SLC16A3: variants seen among roughly 807,000 people sequenced by gnomAD.
SLC16A3 encodes the protein solute carrier family 16 member 3.
SLC16A3 carries 22 observed loss-of-function variants against 25.0 expected under a neutral mutation model. The observed-to-expected ratio is 0.88, with a 90% CI of 0.63 to 1.26. The LOEUF (loss-of-function observed/expected upper bound fraction) is 1.26, where lower values mean the gene tolerates loss of function less well. SLC16A3 is among the 50% of genes most tolerant of loss of function. The pLI, the probability that SLC16A3 is intolerant of heterozygous loss-of-function variation, is 0.00. For synonymous variants in SLC16A3, 390 were observed against 309.2 expected (o/e 1.26, Z -2.74); for missense variants, 731 against 666.6 (o/e 1.10, Z -1.06).
chr17:82,235,790 G>A (rs1317151716), intron 1 of SLC16A3, 193 bp from the exon 2 acceptor site: 2 of 596,156 alleles, frequency 3.4e-6, no homozygotes, highest in Non-Finnish European at 6.0e-6. Context: ...GAGGGAGTGG[G>A]ACCCACAGCT....
rs771718273 is a variant in SLC16A3 at position 82,237,661 on chromosome 17, C to T, written c.891C>T (p.Leu297=). 1.2e-5 allele frequency: 19 copies of T among 1,612,978 alleles called. No homozygotes were observed. The highest frequency in any genetic ancestry group is 1.2e-4 in the Admixed American group (7 of 60,008). ...AGGTGCGGCCCTACTCCGTCTACCT[C>T]TTCAGCTTCTCCATGTTCTTCAACG... ...LGKVRPYSVY[L]FSFSMFFNGL... The change falls in exon 4 of 5, where the codon CTC becomes CTT. Residue 297 remains leucine (L), a synonymous_variant. Transcript: ENST00000582743.
chr17:82,239,913 C>T lies in SLC16A3; in HGVS notation c.*937C>T, dbSNP rs1231582770. On this transcript the variant is annotated 3_prime_UTR_variant, in exon 5 of 5. Transcript: ENST00000582743. Reference sequence around the variant, plus strand: ...GCTTGTCCTGGACACCTAACACCCACCTGCCCTCGTGGCCAGCAGTGGCCT... The same window carrying T: ...GCTTGTCCTGGACACCTAACACCCATCTGCCCTCGTGGCCAGCAGTGGCCT... The T allele has an allele frequency of 9.8e-7, 1 of 1,022,234 alleles. No individual in the cohort carries two copies. Among genetic ancestry groups the T allele is most frequent in the Non-Finnish European group, 1.3e-6 (1 of 795,224 alleles). The allele number at this position is 1,022,234 out of a possible 1,614,324, so 63.3% of individuals were successfully genotyped here. A position where few individuals can be genotyped will look rare whatever the true frequency, so the allele number is the denominator to read the frequency against.
At chr17:82,227,604 T>G (rs142468143), upstream of SLC16A3, among the ~76,000 whole-genome samples, 148 of 76,568 alleles carry the variant, frequency 1.9e-3, no homozygotes, top group African/African-American at 6.0e-3. Context: ...GAGCACCACC[T>G]GCCCTGGGCG....
At chr17:82,224,196 A>T (rs35551671), upstream of SLC16A3, among the ~76,000 whole-genome samples, 2 of 89,144 alleles carry the variant, frequency 2.2e-5, no homozygotes, top group South Asian at 5.3e-4. Context: ...CCGTGCACAG[A>T]CACCTGTGCA....
intron 1 of SLC16A3, chr17:82,229,569 C>G (rs979031496): frequency 6.6e-6 from 1 of 152,418 alleles, no homozygotes; most frequent in Admixed American, 6.5e-5. Context: ...GCGCTTTCCC[C>G]TGTTCGCAAC....
Position 82,237,910 on chromosome 17 carries a change from C to CA in SLC16A3, c.1123+18dup. The CA allele has an allele frequency of 6.3e-7, 1 of 1,592,478 alleles. No homozygotes were observed. Among genetic ancestry groups the CA allele is most frequent in the Non-Finnish European group, 8.5e-7 (1 of 1,176,676 alleles). Reference sequence around the variant, plus strand: ...CTTCGGGAGGTGAGCGCTGCGCCCCCAGGCAGTTCCCCACACCTGCCCTTC... The same window carrying CA: ...CTTCGGGAGGTGAGCGCTGCGCCCCCAAGGCAGTTCCCCACACCTGCCCTTC... On this transcript the variant is annotated intron_variant, in intron 4 of 4. Coordinates refer to ENST00000582743, the MANE Select transcript of SLC16A3 (RefSeq NM_004207.4).
intron 1 of SLC16A3, among the ~76,000 whole-genome samples, chr17:82,232,806 G>A (rs865898295): frequency 1.1e-4 from 16 of 151,892 alleles, no homozygotes; most frequent in Middle Eastern, 6.8e-3. Context: ...GCCTGGGGTC[G>A]TAGAGCCTTT....
At chr17:82,236,680 G>A (rs760060985) in intron 2 of SLC16A3, 49 bp from the exon 3 acceptor site, 14 of 1,582,614 alleles carry the variant, frequency 8.8e-6, no homozygotes, top group South Asian at 7.8e-5. Flanking sequence ...GGCTGGCGGG[G>A]GTAGAGCTGG....
chr17:82,235,372 C>T (rs1201296142), intron 1 of SLC16A3: 1 of 157,264 alleles, frequency 6.4e-6, no homozygotes, highest in Non-Finnish European at 1.4e-5. Flanking sequence ...TTCCAACTGC[C>T]CCCTCCAGCC....
At chr17:82,226,398 C>A (rs1473500969), upstream of SLC16A3, among the ~76,000 whole-genome samples, 2 of 152,118 alleles carry the variant, frequency 1.3e-5, no homozygotes, top group Admixed American at 6.5e-5. Flanking sequence ...GGTGGGTGCT[C>A]CCAACACCAC....
Position 82,229,102 on chromosome 17 carries a change from G to C in SLC16A3, c.-31G>C, listed in dbSNP as rs956638022. 6.6e-6 allele frequency: 1 copy of C among 151,042 alleles called. No individual in the cohort carries two copies. The highest frequency in any genetic ancestry group is 2.0e-4 in the South Asian group (1 of 5,092). The allele number at this position is 151,042 out of a possible 1,614,324, so 9.4% of individuals were successfully genotyped here. A position where few individuals can be genotyped will look rare whatever the true frequency, so the allele number is the denominator to read the frequency against. On this transcript the variant is annotated 5_prime_UTR_variant, in exon 1 of 5. Coordinates refer to ENST00000582743, the MANE Select transcript of SLC16A3 (RefSeq NM_004207.4). ...AGGCGGGCTGAGGCGGCCCAGCGGC[G>C]GCAGGTAGGCGCGGCCGCGATGCTC...
At chr17:82,226,408 C>G (rs956503147), upstream of SLC16A3, among the ~76,000 whole-genome samples, 6 of 152,142 alleles carry the variant, frequency 3.9e-5, no homozygotes, top group African/African-American at 1.4e-4. Context: ...CCCAACACCA[C>G]CCAGAGTGGG....
chr17:82,219,118 A>T (rs2050373375), intron 1 of SLC16A3, among the ~76,000 whole-genome samples: 1 of 151,870 alleles, frequency 6.6e-6, no homozygotes, highest in African/African-American at 2.4e-5. Context: ...GGCAGGGAGG[A>T]GAGGAGCAGG....
At position 82,238,932 on chromosome 17, in the gene SLC16A3, G is replaced by GAAAAAAAAA; in HGVS notation, c.1355_1356insAAAAAAAAA (p.Lys453_Asn454insLysLysLys). On this transcript the variant is annotated inframe_insertion, in exon 5 of 5. Transcript: ENST00000582743. ...GGAGCATTTCCTGAAGGCTGAGCCT[G>GAAAAAAAAA]AGAAAAACGGGGAGGTGGTTCACAC... 2 of 1,568,540 alleles carry GAAAAAAAAA rather than the reference G, an allele frequency of 1.3e-6. No individual in the cohort carries two copies. Among genetic ancestry groups the GAAAAAAAAA allele is most frequent in the Admixed American group, 1.8e-5 (1 of 55,438 alleles).
chr17:82,224,819 C>A (rs2050412222), upstream of SLC16A3, among the ~76,000 whole-genome samples: 1 of 152,174 alleles, frequency 6.6e-6, no homozygotes, highest in Non-Finnish European at 1.5e-5. Context: ...CCCAACCCCA[C>A]ATAACCGGCC....
chr17:82,218,751 C>T (rs2050371438), intron 1 of SLC16A3, among the ~76,000 whole-genome samples: 1 of 152,178 alleles, frequency 6.6e-6, no homozygotes, highest in Admixed American at 6.5e-5. Context: ...TACCCTCCGG[C>T]TGTGCGTGGA....
At chr17:82,238,652 C>T (rs770181177) in intron 4 of SLC16A3, 50 bp from the exon 5 acceptor site, 3 of 1,552,980 alleles carry the variant, frequency 1.9e-6, no homozygotes, top group South Asian at 1.2e-5. Flanking sequence ...AGCCGTGGGC[C>T]CTGGGGGCAG....
Position 82,236,059 on chromosome 17 carries a change from C to T in SLC16A3, c.51C>T (p.Asp17=), listed in dbSNP as rs188282592. 208 of 1,612,704 alleles carry T rather than the reference C, an allele frequency of 1.3e-4. No individual in the cohort carries two copies. The highest frequency in any genetic ancestry group is 1.7e-4 in the Non-Finnish European group (200 of 1,179,866). Residue 17 remains aspartate (D), a synonymous_variant, in exon 2 of 5, where the codon GAC becomes GAT. Transcript: ENST00000582743. The part of the protein sequence containing the change: ...DEGPTGVKAP[D]GGWGWAVLFG... ...GCCCCACAGGCGTCAAGGCCCCTGA[C>T]GGCGGCTGGGGCTGGGCCGTGCTCT...
chr17:82,235,704 G>A (rs940350990), intron 1 of SLC16A3: 4 of 485,300 alleles, frequency 8.2e-6, no homozygotes, highest in East Asian at 3.7e-5. Flanking sequence ...GTCCCAGGAG[G>A]TAATCTGAGT....
Sources: gnomAD v4.1 joint callset for allele counts (sites outside exome capture counted in the v4.1 genomes callset) on GRCh38, gnomAD v4.1.1 for gene constraint, MANE v1.5 for transcripts, NCBI Gene and HGNC (gene_info 2026-07-23, HGNC 2026-07-21) for gene names.